The following ACOT7 variants were observed in gnomAD, a reference collection of about 807,000 sequenced individuals.
The protein encoded by ACOT7 is cytosolic acyl coenzyme A thioester hydrolase.
ACOT7 carries 12 observed loss-of-function variants against 40.2 expected under a neutral mutation model. That is an observed-to-expected ratio of 0.30 (90% CI 0.19 to 0.48). ACOT7 has a LOEUF of 0.48. Among genes scored for constraint, ACOT7 ranks in the 20% least tolerant of loss-of-function variants. The probability of loss-of-function intolerance (pLI) is 0.99; values close to 1 mark genes in which losing one functional copy is unlikely to be tolerated. For synonymous variants in ACOT7, 228 were observed against 219.5 expected, an observed-to-expected ratio of 1.04 and a Z score of -0.34; for missense variants, 395 against 530.8, an observed-to-expected ratio of 0.74 and a Z score of 2.51.
intron 1 of ACOT7, among the ~76,000 whole-genome samples, chr1:6,363,808 G>A (rs1021046534): frequency 2.6e-5 from 4 of 152,194 alleles, no homozygotes; most frequent in African/African-American, 9.6e-5. Flanking sequence ...GGTGGTAGTT[G>A]TCCCCCGGGC....
Position 6,306,638 on chromosome 1 carries a change from G to A in ACOT7, c.713-11658C>T, listed in dbSNP as rs1026079058. ...ATTTAACTGCAGCCTGTGCCACTCA[G>A]CTTCACGAGGAAGAAAGCGGCGTCC... On this transcript the variant is annotated intron_variant, in intron 6 of 8. Coordinates refer to ENST00000361521, the MANE Select transcript of ACOT7 (RefSeq NM_007274.4). This position sits in a 1 kb window ranked among gnomAD's most constrained non-coding sequence, Gnocchi z 4.3. 18 of 985,418 alleles carry A rather than the reference G, an allele frequency of 1.8e-5. No individual in the cohort carries two copies. The highest frequency in any genetic ancestry group is 2.0e-5 in the Non-Finnish European group (17 of 829,924). 61.0% of individuals were successfully genotyped at this position (985,418 alleles called of 1,614,324 possible).
rs751121300 is a variant in ACOT7, at chr1:6,393,310, G to A, written c.90C>T (p.Ala30=). ...CGACGTCTGGGCCCGACATGCTGGG[G>A]GCTGCGGCGGCGGATGCGGCGGGCG... The part of the protein sequence containing the change: ...LQPPAASAAA[A]PSMSGPDVET... The change falls in exon 1 of 9, where the codon GCC becomes GCT. Residue 30 remains alanine (A), a synonymous_variant. Coordinates refer to ENST00000361521, the MANE Select transcript of ACOT7 (RefSeq NM_007274.4). 3.5e-5 allele frequency: 45 copies of A among 1,281,240 alleles called. No homozygotes were observed. The highest frequency in any genetic ancestry group is 4.3e-5 in the Non-Finnish European group (44 of 1,013,954). The allele number at this position is 1,281,240 out of a possible 1,614,324, so 79.4% of individuals were successfully genotyped here.
At chr1:6,267,246 C>A (rs1033963197) in intron 8 of ACOT7, among the ~76,000 whole-genome samples, 1 of 152,200 alleles carries the variant, frequency 6.6e-6, no homozygotes, top group Admixed American at 6.5e-5. Context: ...GGGAGACTGG[C>A]GAGAAACTTG....
At chr1:6,383,188 GA>G (rs1296200921) in intron 1 of ACOT7, among the ~76,000 whole-genome samples, 1 of 148,888 alleles carries the variant, frequency 6.7e-6, no homozygotes, top group Non-Finnish European at 1.5e-5. Context: ...TAAGATGGCA[GA>G]TTTTTTTTTT....
In ACOT7 at chr1:6,274,843, A is replaced by G. The variant is rs1484522861; in HGVS notation, c.1014+6259T>C. 1.3e-5 allele frequency among the ~76,000 whole-genome samples: 2 copies of G among 152,122 alleles called. No homozygotes were observed. The highest frequency in any genetic ancestry group is 6.5e-5 in the Admixed American group (1 of 15,278). On this transcript the variant is annotated intron_variant, in intron 8 of 8. Transcript: ENST00000361521. The surrounding 1 kb of genome is among the most constrained non-coding windows in gnomAD (Gnocchi z 5.9). ...GGTGGGCGGCGCAGTGCAGGTGGGC[A>G]GCGCGTTGGGACTCCCAGGGTTTAG...
At chr1:6,286,912 AG>A (rs1639519081) in intron 7 of ACOT7, among the ~76,000 whole-genome samples, 1 of 152,162 alleles carries the variant, frequency 6.6e-6, no homozygotes, top group South Asian at 2.1e-4. Context: ...AGAGGCTTGC[AG>A]GGGGTAAAAG....
intron 6 of ACOT7, among the ~76,000 whole-genome samples, chr1:6,305,181 C>T (rs1156765818): frequency 1.3e-5 from 2 of 148,234 alleles, no homozygotes; most frequent in East Asian, 2.1e-4. Context: ...CCGGATGAGG[C>T]GGCTGGCCGG....
At chr1:6,325,675 C>A (rs1412563843) in intron 5 of ACOT7, among the ~76,000 whole-genome samples, 7 of 152,170 alleles carry the variant, frequency 4.6e-5, no homozygotes, top group African/African-American at 1.7e-4. Flanking sequence ...CAAATACACA[C>A]AAACTCCTGT....
rs1171499592 is a variant in ACOT7, at chr1:6,323,716, C to CAA, written c.625+3581_625+3582dup. The stretch of plus-strand genomic sequence containing the variant: ...CTGGTCAACAGAGTGAGACTTGTCT[C>CAA]AAAAAAAAAAAAAAAAAAAAAATAT... On this transcript the variant is annotated intron_variant, in intron 5 of 8. Coordinates refer to ENST00000361521, the MANE Select transcript of ACOT7 (RefSeq NM_007274.4). Among the ~76,000 whole-genome samples, 196 of 69,048 alleles carry CAA rather than the reference C, an allele frequency of 2.8e-3. 5 individuals are homozygous for CAA. The highest frequency in any genetic ancestry group is 0.018 in the Middle Eastern group (1 of 56). The allele number at this position is 69,048 out of a possible 152,430, so 45.3% of individuals were successfully genotyped here. A position where few individuals can be genotyped will look rare whatever the true frequency, so the allele number is the denominator to read the frequency against.
chr1:6,315,311 A>G (rs1353986283), intron 6 of ACOT7, among the ~76,000 whole-genome samples: 1 of 152,252 alleles, frequency 6.6e-6, no homozygotes, highest in South Asian at 2.1e-4. Context: ...AGTGAATTAC[A>G]GTTTAGTGAA....
chr1:6,383,347 C>T (rs768088641), intron 1 of ACOT7, among the ~76,000 whole-genome samples: 6 of 150,344 alleles, frequency 4.0e-5, no homozygotes, highest in African/African-American at 7.3e-5. Context: ...ACCATGACGC[C>T]TGGCTAATTT....
intron 1 of ACOT7, among the ~76,000 whole-genome samples, chr1:6,368,959 T>C (rs1420788741): frequency 1.3e-5 from 2 of 152,244 alleles, no homozygotes; most frequent in South Asian, 2.1e-4. Context: ...TCATGGCATC[T>C]TCCCCAAGAC....
chr1:6,280,318 T>C (rs967131879), intron 8 of ACOT7, among the ~76,000 whole-genome samples: 1 of 152,208 alleles, frequency 6.6e-6, no homozygotes, highest in Non-Finnish European at 1.5e-5. Flanking sequence ...GCAGAGCCCC[T>C]GGGGTCAGCC....
rs539642014 is a variant in ACOT7, at chr1:6,276,630, G to GGCACATCTGGAGGGACGGAAC, written c.1014+4451_1014+4471dup. 6.8e-4 allele frequency among the ~76,000 whole-genome samples: 103 copies of GGCACATCTGGAGGGACGGAAC among 152,124 alleles called. 2 individuals are homozygous for GGCACATCTGGAGGGACGGAAC. In the East Asian group the frequency reaches 0.013, roughly 19 times the overall value. ...TGGGAGTAGGAGGAGGGGCCGCCAG[G>GGCACATCTGGAGGGACGGAAC]GCACATCTGGAGGGACGGAACGCAC... On this transcript the variant is annotated intron_variant, in intron 8 of 8. Transcript: ENST00000361521.
rs1039841931 is a variant in ACOT7, at chr1:6,358,510, A to C, written c.144-8644T>G. ...GGGAGCAGAGGGAAGCCACAGGAGC[A>C]AGGCTGGAAAGAAAACCAGGTGCCT... On this transcript the variant is annotated intron_variant, in intron 1 of 8. Transcript: ENST00000361521. This position sits in a 1 kb window ranked among gnomAD's most constrained non-coding sequence, Gnocchi z 4.1. Among the ~76,000 whole-genome samples the C allele has an allele frequency of 2.6e-5, 4 of 152,218 alleles. No individual in the cohort carries two copies. The East Asian group carries it at 7.7e-4, about 29-fold the overall frequency.
intron 6 of ACOT7, among the ~76,000 whole-genome samples, chr1:6,308,977 C>A (rs150504440): frequency 6.6e-6 from 1 of 152,226 alleles, no homozygotes; most frequent in African/African-American, 2.4e-5. Flanking sequence ...AAAACCACTA[C>A]GTCCTGGCCA....
At chr1:6,343,813 T>G (rs1025355304) in intron 2 of ACOT7, among the ~76,000 whole-genome samples, 1 of 152,238 alleles carries the variant, frequency 6.6e-6, no homozygotes, top group Non-Finnish European at 1.5e-5. Context: ...CAAACAGACC[T>G]ATGGGCGCAT....
chr1:6,353,850 A>G (rs1641664787), intron 1 of ACOT7, among the ~76,000 whole-genome samples: 1 of 151,936 alleles, frequency 6.6e-6, no homozygotes, highest in Admixed American at 6.6e-5. Flanking sequence ...CTGACCCCAG[A>G]AACTTCAAGG....
chr1:6,293,989 T>C (rs1639741923), intron 7 of ACOT7, among the ~76,000 whole-genome samples: 2 of 152,192 alleles, frequency 1.3e-5, no homozygotes. Context: ...GCAGGAGCTG[T>C]GGCAAGGAGA....
Sources: allele counts gnomAD v4.1 joint callset (sites outside exome capture counted in the v4.1 genomes callset), GRCh38; gene constraint gnomAD v4.1.1; non-coding constraint Gnocchi (gnomAD v3.1); transcripts MANE v1.5; gene names NCBI Gene and HGNC (gene_info 2026-07-23, HGNC 2026-07-21).